Variants in RNF19B observed in about 807,000 individuals in gnomAD.
RNF19B encodes E3 ubiquitin-protein ligase RNF19B.
RNF19B carries 23 observed loss-of-function variants against 65.5 expected under a neutral mutation model. The ratio of observed to expected loss-of-function variants is 0.35; its 90% CI spans 0.25 to 0.50. RNF19B has a LOEUF of 0.50. RNF19B is among the 20% of genes least tolerant of loss of function. RNF19B has a pLI of 0.98. For missense variants in RNF19B, 794 were observed against 980.0 expected (o/e 0.81, Z 2.53); for synonymous variants, 372 against 379.6 (o/e 0.98, Z 0.23).
At chr1:32,962,768 GA>G (rs71006378) in intron 1 of RNF19B, among the ~76,000 whole-genome samples, 27,804 of 152,132 alleles carry the variant, frequency 0.18, 3,134 homozygotes, top group East Asian at 0.33. Flanking sequence ...TGACACACAA[GA>G]ATAAAATTAT....
At chr1:32,943,666 C>T (rs948457197) in intron 6 of RNF19B, among the ~76,000 whole-genome samples, 1 of 151,886 alleles carries the variant, frequency 6.6e-6, no homozygotes, top group Non-Finnish European at 1.5e-5. Flanking sequence ...CATCCTCCCT[C>T]GTCAGAGAGC....
At chr1:32,960,851 T>TTAA (rs1437393875) in intron 1 of RNF19B, among the ~76,000 whole-genome samples, 1 of 151,518 alleles carries the variant, frequency 6.6e-6, no homozygotes, top group Non-Finnish European at 1.5e-5. Context: ...AATAATAATA[T>TTAA]TAATAATAAT....
At chr1:32,943,140 CAA>C (rs56338843) in intron 6 of RNF19B, among the ~76,000 whole-genome samples, 34 of 130,002 alleles carry the variant, frequency 2.6e-4, no homozygotes, top group Non-Finnish European at 2.3e-4. Flanking sequence ...GACTCCGTCT[CAA>C]AAAAAAAAAA....
rs763412358 is a variant in RNF19B, at chr1:32,948,376, G to A, written c.842-13C>T. The A allele has an allele frequency of 3.7e-6, 6 of 1,607,034 alleles. No homozygotes were observed. Among genetic ancestry groups the A allele is most frequent in the East Asian group, 2.2e-5 (1 of 44,770 alleles). On this transcript the variant is annotated splice_polypyrimidine_tract_variant and intron_variant, in intron 2 of 8. Transcript: ENST00000235150. ...GGCTTGATGTCATCTGCTATGAGTG[G>A]GGGAAGAATGGGTAGAAAAAATACC...
Position 32,937,072 on chromosome 1 carries a change from T to C in RNF19B, c.1930A>G (p.Lys644Glu). Residue 644 changes from lysine to glutamate, a missense_variant, in exon 9 of 9, where the codon AAA becomes GAA. By Grantham distance (56) the Lys-to-Glu change is moderately conservative. This residue lies in a region of RNF19B where 368 missense variants were observed against 447.3 expected (regional missense o/e 0.82). Transcript: ENST00000235150. The stretch of plus-strand genomic sequence containing the variant: ...CAAGGTTTGCTGGCCAGGCAGTCTT[T>C]CTGTTCACAGCTTTGGTGTCTGCAG... ...PPCRHQSCEQKDCLASKPWDI... is the reference protein window; with the variant it reads ...PPCRHQSCEQEDCLASKPWDI... The C allele has an allele frequency of 6.2e-7, 1 of 1,614,184 alleles. No homozygotes were observed. Among genetic ancestry groups the C allele is most frequent in the Non-Finnish European group, 8.5e-7 (1 of 1,180,036 alleles).
At chr1:32,954,201 C>G (rs190609651) in intron 1 of RNF19B, among the ~76,000 whole-genome samples, 10 of 150,908 alleles carry the variant, frequency 6.6e-5, no homozygotes, top group Non-Finnish European at 1.0e-4. Flanking sequence ...TGTGAGCCAC[C>G]GTGCCCAGCC....
rs1346788611 is a variant in RNF19B at position 32,944,058 on chromosome 1, C to T, written c.1363G>A (p.Val455Met). ...TCATCTTCATCAAATTCAATTTTCA[C>T]TCCTTTTCCGTTGGCTGTGCTAACT... ...CGVSTANGKGVKIEFDEDDGP... is the reference protein window; with the variant it reads ...CGVSTANGKGMKIEFDEDDGP... The change falls in exon 6 of 9, where the codon GTG becomes ATG. Residue 455 changes from valine to methionine, a missense_variant. Physicochemically the swap from Val to Met is conservative, Grantham distance 21. This residue lies in a region of RNF19B where 368 missense variants were observed against 447.3 expected (regional missense o/e 0.82). Coordinates refer to ENST00000235150, the MANE Select transcript of RNF19B (RefSeq NM_001300826.2). The T allele has an allele frequency of 6.2e-7, 1 of 1,613,182 alleles. No individual in the cohort carries two copies. The highest frequency in any genetic ancestry group is 1.7e-5 in the Admixed American group (1 of 59,844).
At position 32,944,016 on chromosome 1, in the gene RNF19B, T is replaced by TA; in HGVS notation, c.1402+2dup. ...AAATGGAAATAAACATCCTGCTTTT[T>TA]ACCTGTGATTGGACCATCATCTTCA... On this transcript the variant is annotated splice_region_variant and intron_variant, in intron 6 of 8. Transcript: ENST00000235150. 1 of 1,599,348 alleles carries TA rather than the reference T, an allele frequency of 6.3e-7. No homozygotes were observed.
Position 32,964,589 on chromosome 1 carries a change from G to A in RNF19B, c.97C>T (p.Leu33Phe), listed in dbSNP as rs1321624092. 2.9e-5 allele frequency: 42 copies of A among 1,445,482 alleles called. No individual in the cohort carries two copies. The highest frequency in any genetic ancestry group is 3.8e-5 in the Non-Finnish European group (42 of 1,101,854). The allele number at this position is 1,445,482 out of a possible 1,614,324, so 89.5% of individuals were successfully genotyped here. ...KCRSGGRRRR[L>F]TLHSVFSASA... ...GCAGAGAAGACGCTGTGCAAGGTGA[G>A]GCGCCGGCGCCGGCCGCCGCTGCGG... is the stretch of plus-strand genomic sequence containing the variant. The change falls in exon 1 of 9, where the codon CTC (leucine) becomes TTC (phenylalanine). Residue 33 changes from leucine to phenylalanine, a missense_variant. Physicochemically the swap from Leu to Phe is conservative, Grantham distance 22. This residue lies in a region of RNF19B where 374 missense variants were observed against 423.8 expected (regional missense o/e 0.88). Coordinates refer to ENST00000235150, the MANE Select transcript of RNF19B (RefSeq NM_001300826.2). This position sits in a 1 kb window ranked among gnomAD's most constrained non-coding sequence, Gnocchi z 6.5.
At chr1:32,937,379 G>T in intron 8 of RNF19B, 120 bp from the exon 9 acceptor site, 1 of 1,457,562 alleles carries the variant, frequency 6.9e-7, no homozygotes, top group Non-Finnish European at 9.4e-7. Flanking sequence ...GTTAACTAGA[G>T]CTCACTTTTA....
At chr1:32,945,371 T>C in intron 5 of RNF19B, 143 bp downstream of exon 5, 2 of 516,470 alleles carry the variant, frequency 3.9e-6, no homozygotes, top group East Asian at 6.1e-5. Flanking sequence ...TTAAAAATAA[T>C]CATAATCATG....
At position 32,942,269 on chromosome 1, in the gene RNF19B, G is replaced by A. The variant is rs1340513909; in HGVS notation, c.1593C>T (p.Gly531=). 1.2e-6 allele frequency: 2 copies of A among 1,607,778 alleles called. No individual in the cohort carries two copies. The highest frequency in any genetic ancestry group is 8.5e-7 in the Non-Finnish European group (1 of 1,174,852). The change falls in exon 7 of 9, where the codon GGC becomes GGT. Residue 531 remains glycine (G), a synonymous_variant. Coordinates refer to ENST00000235150, the MANE Select transcript of RNF19B (RefSeq NM_001300826.2). ...TTGTTTACCTGCTATATTTTCCCTTGCCACTGGAGAGAATGCCGCCACTCA... is the reference window on the plus strand; with the variant it reads ...TTGTTTACCTGCTATATTTTCCCTTACCACTGGAGAGAATGCCGCCACTCA... ...GTLSGGILSS[G]KGKYSRLEVQ...
chr1:32,948,445 A>C, intron 2 of RNF19B, 82 bp from the exon 3 acceptor site: 1 of 1,441,042 alleles, frequency 6.9e-7, no homozygotes, highest in South Asian at 1.3e-5. Context: ...AGGAGTATAT[A>C]TAAGAAATGA....
intron 8 of RNF19B, among the ~76,000 whole-genome samples, chr1:32,937,872 G>C (rs998504986): frequency 4.6e-5 from 7 of 151,966 alleles, no homozygotes; most frequent in African/African-American, 1.7e-4. Context: ...CTAAGGGTCA[G>C]AGCCCCATGC....
In RNF19B at chr1:32,936,800, T is replaced by C. The variant is rs376871991; in HGVS notation, c.*6A>G. ...TGCTTCTCAGAACAGGAGCATTCAT[T>C]CCACTTCATACTCTGGCTTCTCCAC... is the stretch of plus-strand genomic sequence containing the variant. On this transcript the variant is annotated 3_prime_UTR_variant, in exon 9 of 9. Transcript: ENST00000235150. 537 of 1,539,418 alleles carry C rather than the reference T, an allele frequency of 3.5e-4. No individual in the cohort carries two copies. The highest frequency in any genetic ancestry group is 2.1e-3 in the South Asian group (166 of 78,594).
intron 1 of RNF19B, among the ~76,000 whole-genome samples, chr1:32,956,393 C>A (rs546836479): frequency 3.9e-4 from 59 of 151,484 alleles, no homozygotes; most frequent in African/African-American, 1.4e-3. Flanking sequence ...ACAACAACAA[C>A]AAAAATTAGC....
At chr1:32,951,257 T>A (rs1314365557) in intron 1 of RNF19B, among the ~76,000 whole-genome samples, 2 of 152,266 alleles carry the variant, frequency 1.3e-5, no homozygotes, top group African/African-American at 2.4e-5. Context: ...TTGTGCAGGT[T>A]ACTCTATTTA....
intron 1 of RNF19B, 81 bp downstream of exon 1, chr1:32,963,956 TCCCTGCTTGGGACA>T: frequency 7.4e-7 from 1 of 1,352,144 alleles, no homozygotes; most frequent in Non-Finnish European, 9.4e-7. Flanking sequence ...CTTGCGGGTT[TCCCTGCTTGGGACA>T]CCCACGCGGG....
chr1:32,964,267 CG>C lies in RNF19B; in HGVS notation c.418del (p.Arg140AlafsTer15). On this transcript the variant is annotated frameshift_variant, in exon 1 of 9. Coordinates refer to ENST00000235150, the MANE Select transcript of RNF19B (RefSeq NM_001300826.2). LOFTEE classifies it high-confidence loss of function. This position sits in a 1 kb window ranked among gnomAD's most constrained non-coding sequence, Gnocchi z 6.5. The stretch of plus-strand genomic sequence containing the variant: ...GTGGCGGAGGCAGTCCCGGCACGAG[CG>C]GTGCGGACAGCTGAGGAGGCGCGGG... The part of the protein sequence containing the change: ...RAPRLLSCPH[R>X]SCRDCLRHYL... The C allele has an allele frequency of 6.5e-7, 1 of 1,539,168 alleles. No homozygotes were observed. Among genetic ancestry groups the C allele is most frequent in the Non-Finnish European group, 8.7e-7 (1 of 1,143,982 alleles).
Sources: allele counts gnomAD v4.1 joint callset (sites outside exome capture counted in the v4.1 genomes callset), GRCh38; gene constraint gnomAD v4.1.1; regional missense constraint gnomAD v4.1.1; non-coding constraint Gnocchi (gnomAD v3.1); transcripts MANE v1.5; gene names NCBI Gene and HGNC (gene_info 2026-07-23, HGNC 2026-07-21).